The following DMD variants were observed in gnomAD, a reference collection of about 807,000 sequenced individuals.
DMD encodes the protein mutant dystrophin.
DMD carries 63 observed loss-of-function variants against 330.1 expected under a neutral mutation model. That is an observed-to-expected ratio of 0.19 (90% CI 0.16 to 0.24). The LOEUF is 0.24. Ranked by LOEUF, DMD falls within the 10% of genes least tolerant of loss-of-function variation. The probability of loss-of-function intolerance (pLI) is 1.00; values close to 1 mark genes in which losing one functional copy is unlikely to be tolerated. For synonymous variants in DMD, 1,223 were observed against 959.8 expected (o/e 1.27, Z -5.07); for missense variants, 3,344 against 2,684.1 (o/e 1.25, Z -5.43).
chrX:32,071,435 G>A (rs1302608216), intron 44 of DMD, among the ~76,000 whole-genome samples: 2 of 99,707 alleles, frequency 2.0e-5, no homozygotes, highest in African/African-American at 7.4e-5. Context: ...GCATGTTCTC[G>A]CTCATAGGTG....
At chrX:32,703,955 C>T (rs950043679) in intron 7 of DMD, among the ~76,000 whole-genome samples, 5 of 111,472 alleles carry the variant, frequency 4.5e-5, no homozygotes, top group Admixed American at 3.8e-4. Flanking sequence ...ACATAAAATG[C>T]TCACGGACAC....
chrX:31,608,316 A>G (rs186759729), intron 55 of DMD, among the ~76,000 whole-genome samples: 61 of 111,931 alleles, frequency 5.4e-4, no homozygotes, highest in African/African-American at 1.8e-3. Context: ...AAGTGTGTGT[A>G]TCATCTCAAG....
Position 32,411,778 on chromosome X carries a change from C to A in DMD, c.4207G>T (p.Ala1403Ser). 1 of 1,211,298 alleles carries A rather than the reference C, an allele frequency of 8.3e-7. No individual in the cohort carries two copies. Among genetic ancestry groups the A allele is most frequent in the Non-Finnish European group, 1.1e-6 (1 of 895,247 alleles). Residue 1403 changes from alanine (A) to serine (S), a missense_variant, in exon 30 of 79, where the codon GCA becomes TCA. Coordinates refer to ENST00000357033, the MANE Select transcript of DMD (RefSeq NM_004006.3). Reference protein sequence around the residue: ...LAAYIADKVDAAQMPQEAQKI... With the variant: ...LAAYIADKVDSAQMPQEAQKI... ...TGGGCTTCCTGAGGCATTTGAGCTG[C>A]GTCCACCTTGTCTGCAATATAAGCT...
chrX:32,726,866 G>A (rs1257644994), intron 7 of DMD, among the ~76,000 whole-genome samples: 1 of 109,954 alleles, frequency 9.1e-6, no homozygotes, highest in Non-Finnish European at 1.9e-5. Flanking sequence ...GAGAATCAAG[G>A]CAATTCAAAT....
intron 51 of DMD, among the ~76,000 whole-genome samples, chrX:31,745,160 T>C (rs1376681461): frequency 8.9e-6 from 1 of 111,828 alleles, no homozygotes; most frequent in Admixed American, 9.5e-5. Context: ...CAATTAATAA[T>C]GACCTAATGG....
chrX:32,252,907 CATAA>C (rs1396858649), intron 43 of DMD, among the ~76,000 whole-genome samples: 75 of 63,033 alleles, frequency 1.2e-3, no homozygotes, highest in East Asian at 4.9e-3. Flanking sequence ...TAAATATATA[CATAA>C]ATATATATAG....
intron 60 of DMD, among the ~76,000 whole-genome samples, chrX:31,392,060 C>T (rs995549630): frequency 8.9e-6 from 1 of 111,977 alleles, no homozygotes; most frequent in Non-Finnish European, 1.9e-5. Context: ...CACTGATAGT[C>T]AATTTCTTAG....
intron 7 of DMD, among the ~76,000 whole-genome samples, chrX:32,803,568 C>A (rs905689123): frequency 9.0e-6 from 1 of 111,696 alleles, no homozygotes; most frequent in African/African-American, 3.3e-5. Context: ...GATTATAGAT[C>A]TTTCCCACTT....
chrX:32,804,745 T>G (rs2076830806), intron 7 of DMD, among the ~76,000 whole-genome samples: 1 of 111,986 alleles, frequency 8.9e-6, no homozygotes, highest in Admixed American at 9.4e-5. Context: ...AACTGGTGGG[T>G]GCCCCTCTGG....
chrX:33,175,250 A>G (rs761842202), intron 1 of DMD, among the ~76,000 whole-genome samples: 111 of 112,592 alleles, frequency 9.9e-4, no homozygotes, highest in African/African-American at 3.5e-3. Flanking sequence ...TGCATGCAGG[A>G]GTAACTTAAG....
chrX:32,192,589 G>T (rs1474850098), intron 44 of DMD, among the ~76,000 whole-genome samples: 1 of 111,799 alleles, frequency 8.9e-6, no homozygotes, highest in Non-Finnish European at 1.9e-5. Flanking sequence ...AAATATACAA[G>T]AATTACTGTG....
intron 17 of DMD, among the ~76,000 whole-genome samples, chrX:32,544,433 C>G (rs780723798): frequency 2.8e-3 from 317 of 111,562 alleles, no homozygotes; most frequent in African/African-American, 9.6e-3. Context: ...AACGTTCTTT[C>G]TTAATCTTAG....
chrX:32,070,121 A>G (rs965578259), intron 44 of DMD, among the ~76,000 whole-genome samples: 7 of 110,984 alleles, frequency 6.3e-5, no homozygotes, highest in African/African-American at 1.3e-4. Flanking sequence ...TCTGGAGCAG[A>G]TAAACAGAAC....
chrX:33,059,388 C>CTT (rs2094555928), intron 1 of DMD, among the ~76,000 whole-genome samples: 2 of 108,119 alleles, frequency 1.8e-5, no homozygotes, highest in South Asian at 4.0e-4. Flanking sequence ...CACTTTCTTT[C>CTT]TCTCTCTCTC....
At chrX:32,318,876 A>G (rs933599272) in intron 41 of DMD, among the ~76,000 whole-genome samples, 3 of 111,399 alleles carry the variant, frequency 2.7e-5, no homozygotes, top group Non-Finnish European at 5.7e-5. Context: ...GTCTTTAAAT[A>G]CACCCTGCTT....
intron 50 of DMD, among the ~76,000 whole-genome samples, chrX:31,780,791 C>T (rs1487714976): frequency 2.7e-5 from 3 of 111,755 alleles, no homozygotes; most frequent in Admixed American, 9.5e-5. Flanking sequence ...TTTTTGTCTG[C>T]TTTCTTTTCT....
At chrX:32,680,811 C>G (rs1329217603) in intron 9 of DMD, among the ~76,000 whole-genome samples, 1 of 108,139 alleles carries the variant, frequency 9.2e-6, no homozygotes, top group Non-Finnish European at 1.9e-5. Context: ...CACAGAAACA[C>G]ATACACACAC....
intron 63 of DMD, among the ~76,000 whole-genome samples, chrX:31,233,633 A>G (rs186876606): frequency 1.8e-5 from 2 of 112,289 alleles, no homozygotes; most frequent in East Asian, 5.6e-4. Context: ...ATGAAAATAA[A>G]TAACAGTAAA....
intron 49 of DMD, among the ~76,000 whole-genome samples, chrX:31,826,910 G>C (rs2092907203): frequency 9.0e-6 from 1 of 111,587 alleles, no homozygotes; most frequent in African/African-American, 3.2e-5. Context: ...ATAAACTTTG[G>C]GAATTCTTTT....
Sources: allele counts gnomAD v4.1 joint callset (sites outside exome capture counted in the v4.1 genomes callset), GRCh38; gene constraint gnomAD v4.1.1; transcripts MANE v1.5; gene names NCBI Gene and HGNC (gene_info 2026-07-23, HGNC 2026-07-21).